Variants in TMEM132D observed in about 807,000 individuals in gnomAD.
The protein encoded by TMEM132D is transmembrane protein 132D.
TMEM132D carries 21 observed loss-of-function variants against 62.3 expected under a neutral mutation model. The ratio of observed to expected loss-of-function variants is 0.34; its 90% confidence interval spans 0.24 to 0.49. The LOEUF (loss-of-function observed/expected upper bound fraction) is 0.49. Ranked by LOEUF, TMEM132D falls within the 20% of genes least tolerant of loss-of-function variation. The probability of loss-of-function intolerance (pLI) is 0.99; values close to 1 mark genes in which losing one functional copy is unlikely to be tolerated. For missense variants in TMEM132D, 1,346 were observed against 1,402.8 expected, an observed-to-expected ratio of 0.96 and a Z score of 0.65; for synonymous variants, 621 against 575.6, an observed-to-expected ratio of 1.08 and a Z score of -1.13.
intron 2 of TMEM132D, among the ~76,000 whole-genome samples, chr12:129,635,036 C>T (rs1010903450): frequency 6.6e-6 from 1 of 152,100 alleles, no homozygotes; most frequent in Admixed American, 6.5e-5. Flanking sequence ...AACACTTCCC[C>T]ACAAAGTACC....
chr12:129,626,091 A>G (rs111671415), intron 2 of TMEM132D, among the ~76,000 whole-genome samples: 10,345 of 141,898 alleles, frequency 0.073, 491 homozygotes, highest in Non-Finnish European at 0.1. Context: ...TTGAGCTGGG[A>G]AAAAAAAAAA....
intron 1 of TMEM132D, among the ~76,000 whole-genome samples, chr12:129,746,114 A>T (rs2137262962): frequency 6.6e-6 from 1 of 152,340 alleles, no homozygotes; most frequent in African/African-American, 2.4e-5. Context: ...GCAGGTAGAG[A>T]AGCAACACTT....
chr12:129,816,197 G>A (rs764216148), intron 1 of TMEM132D, among the ~76,000 whole-genome samples: 24 of 152,262 alleles, frequency 1.6e-4, no homozygotes, highest in Middle Eastern at 3.4e-3. Flanking sequence ...GCTAGGGGCC[G>A]TGTTCATCTT....
chr12:129,587,185 T>C (rs987716468), intron 2 of TMEM132D, among the ~76,000 whole-genome samples: 1 of 152,114 alleles, frequency 6.6e-6, no homozygotes, highest in Non-Finnish European at 1.5e-5. Flanking sequence ...GTGGTACATA[T>C]ACACCATGGA....
At chr12:129,613,824 T>G in intron 2 of TMEM132D, among the ~76,000 whole-genome samples, 1 of 151,636 alleles carries the variant, frequency 6.6e-6, no homozygotes, top group Non-Finnish European at 1.5e-5. Context: ...CCCAGGGGAC[T>G]GTCTGCAGAA....
chr12:129,441,725 G>A (rs1021658502), intron 3 of TMEM132D, among the ~76,000 whole-genome samples: 2 of 152,084 alleles, frequency 1.3e-5, no homozygotes, highest in Admixed American at 6.5e-5. Context: ...TAGCAGCTAC[G>A]GAACCGACCC....
At chr12:129,843,427 C>T (rs1191260982) in intron 1 of TMEM132D, among the ~76,000 whole-genome samples, 2 of 152,112 alleles carry the variant, frequency 1.3e-5, no homozygotes, top group African/African-American at 4.8e-5. Context: ...ATCATAATTG[C>T]ATCGAATCAC....
intron 3 of TMEM132D, among the ~76,000 whole-genome samples, chr12:129,370,787 A>G (rs1870572391): frequency 6.6e-6 from 1 of 152,200 alleles, no homozygotes; most frequent in African/African-American, 2.4e-5. Flanking sequence ...AGAGAAAGAC[A>G]AATATTGTGT....
At chr12:129,325,763 A>G (rs1365151386) in intron 4 of TMEM132D, among the ~76,000 whole-genome samples, 2 of 152,196 alleles carry the variant, frequency 1.3e-5, no homozygotes, top group Non-Finnish European at 2.9e-5. Flanking sequence ...CACAGTAGGA[A>G]CCTGAGAATT....
At chr12:129,756,937 C>T (rs916574806) in intron 1 of TMEM132D, among the ~76,000 whole-genome samples, 4 of 152,124 alleles carry the variant, frequency 2.6e-5, no homozygotes, top group Non-Finnish European at 5.9e-5. Context: ...TCTCTCCCTC[C>T]CCAGGTTTGT....
intron 2 of TMEM132D, among the ~76,000 whole-genome samples, chr12:129,628,679 G>A (rs1469299368): frequency 6.6e-6 from 1 of 152,182 alleles, no homozygotes; most frequent in African/African-American, 2.4e-5. Flanking sequence ...TAAGGTAACT[G>A]TAGAACATGG....
chr12:129,534,560 G>T lies in TMEM132D; in HGVS notation c.969-3355C>A, dbSNP rs1455218096. On this transcript the variant is annotated intron_variant, in intron 2 of 8. Transcript: ENST00000422113. ...GGGTTCAGAAATGTGGTGCGCAATT[G>T]TTGCTTTTGCTCCCCATACCCAATC... Among the ~76,000 whole-genome samples the T allele has an allele frequency of 2.0e-5, 3 of 152,080 alleles. 1 individual carries two copies. Among genetic ancestry groups the T allele is most frequent in the Admixed American group, 2.0e-4 (3 of 15,264 alleles).
chr12:129,644,829 A>C (rs1879730262), intron 2 of TMEM132D, among the ~76,000 whole-genome samples: 1 of 150,404 alleles, frequency 6.6e-6, no homozygotes, highest in African/African-American at 2.4e-5. Flanking sequence ...ATACAAAAAA[A>C]AAAAAAAATA....
At chr12:129,578,810 ATC>A (rs766171441) in intron 2 of TMEM132D, among the ~76,000 whole-genome samples, 1 of 152,030 alleles carries the variant, frequency 6.6e-6, no homozygotes, top group Non-Finnish European at 1.5e-5. Context: ...ACCTTCCTCA[ATC>A]TCTAGTTCTA....
intron 3 of TMEM132D, among the ~76,000 whole-genome samples, chr12:129,529,064 TTGTG>T (rs148668186): frequency 6.6e-6 from 1 of 151,942 alleles, no homozygotes; most frequent in Non-Finnish European, 1.5e-5. Context: ...ATATAACATA[TTGTG>T]TGTGTGTGTG....
At chr12:129,664,090 T>TA (rs1253377413) in intron 2 of TMEM132D, among the ~76,000 whole-genome samples, 3 of 152,258 alleles carry the variant, frequency 2.0e-5, no homozygotes, top group East Asian at 1.9e-4. Flanking sequence ...TTTCTATTTT[T>TA]AAAAAAATAG....
At chr12:129,385,206 A>G (rs111533738) in intron 3 of TMEM132D, among the ~76,000 whole-genome samples, 2,366 of 149,182 alleles carry the variant, frequency 0.016, 68 homozygotes, top group African/African-American at 0.055. Flanking sequence ...CCCGGGTTCA[A>G]GCCATTCTCC....
At chr12:129,680,039 T>C (rs1385863351) in intron 2 of TMEM132D, among the ~76,000 whole-genome samples, 1 of 152,204 alleles carries the variant, frequency 6.6e-6, no homozygotes, top group African/African-American at 2.4e-5. Context: ...ATCAACACCG[T>C]CAATTATACT....
At chr12:129,490,585 A>G (rs1171140396) in intron 3 of TMEM132D, among the ~76,000 whole-genome samples, 4 of 108,784 alleles carry the variant, frequency 3.7e-5, no homozygotes, top group Admixed American at 9.9e-5. Context: ...CCCGCCCACC[A>G]CGCCCGGCTA....
Sources: gnomAD v4.1 joint callset for allele counts (sites outside exome capture counted in the v4.1 genomes callset) on GRCh38, gnomAD v4.1.1 for gene constraint, MANE v1.5 for transcripts, NCBI Gene and HGNC (gene_info 2026-07-23, HGNC 2026-07-21) for gene names.